The following SLC9A3 variants were observed in gnomAD, a reference collection of about 807,000 sequenced individuals.
SLC9A3 encodes sodium/hydrogen exchanger 3.
A neutral mutation model predicts 86.8 loss-of-function variants in SLC9A3; 37 were observed. The observed-to-expected ratio is 0.43, with a 90% confidence interval of 0.33 to 0.56. SLC9A3 has a LOEUF of 0.56. SLC9A3 is among the 20% of genes least tolerant of loss of function. The pLI is 0.06. For synonymous variants in SLC9A3, 581 were observed against 528.3 expected (o/e 1.10, Z -1.37); for missense variants, 1,011 against 1,171.9 (o/e 0.86, Z 2.00).
At chr5:479,776 C>T in intron 10 of SLC9A3, 60 bp downstream of exon 10, 6 of 1,592,908 alleles carry the variant, frequency 3.8e-6, no homozygotes, top group Non-Finnish European at 5.1e-6. Flanking sequence ...CCCATGGCAC[C>T]CACAGCCAGT....
Position 524,164 on chromosome 5 carries a change from C to T in SLC9A3, c.159G>A (p.Gln53=). The T allele has an allele frequency of 6.5e-7, 1 of 1,547,820 alleles. No homozygotes were observed. Residue 53 remains glutamine, a synonymous_variant, in exon 1 of 17, where the codon CAG becomes CAA. Transcript: ENST00000264938. ...QVVTFEWAHV[Q]DPYVIALWIL... is the part of the protein sequence containing the mutation. The stretch of plus-strand genomic sequence containing the variant: ...TCCAGAGCGCGATGACGTAGGGATC[C>T]TGCACGTGGGCCCACTCGAAGGTGA...
At chr5:482,045 C>G (rs1560954086) in intron 8 of SLC9A3, 23 bp downstream of exon 8, 1 of 670,302 alleles carries the variant, frequency 1.5e-6, no homozygotes. Context: ...TGCCCCCCCC[C>G]CGCCCCCCAG....
chr5:479,973 G>A lies in SLC9A3; in HGVS notation c.1518-8C>T. On this transcript the variant is annotated splice_region_variant and splice_polypyrimidine_tract_variant and intron_variant, in intron 9 of 16. Transcript: ENST00000264938. ...CTGTCGAAGTGGGACCACCTGTAGG[G>A]ACAGACCTTGGGTGTGAGCCTCAGG... is the stretch of plus-strand genomic sequence containing the variant. The A allele has an allele frequency of 1.2e-6, 2 of 1,612,632 alleles. No individual in the cohort carries two copies. Among genetic ancestry groups the A allele is most frequent in the Non-Finnish European group, 1.7e-6 (2 of 1,179,136 alleles).
At chr5:482,247 C>T (rs146451863) in intron 7 of SLC9A3, 90 bp from the exon 8 acceptor site, 14,730 of 1,030,166 alleles carry the variant, frequency 0.014, 164 homozygotes, top group Non-Finnish European at 0.016. Context: ...CCACCTGCCC[C>T]GGGGCCCACA....
Position 485,416 on chromosome 5 carries a change from C to A in SLC9A3, c.676-185G>T, listed in dbSNP as rs573411326. Reference sequence around the variant, plus strand: ...GCCCAGAGCCCAGCAGCCAGCAAGACATGGGGCAAAAGAATGTTCTGGAGG... The same window carrying A: ...GCCCAGAGCCCAGCAGCCAGCAAGAAATGGGGCAAAAGAATGTTCTGGAGG... On this transcript the variant is annotated intron_variant, in intron 3 of 16. Transcript: ENST00000264938. 5.9e-5 allele frequency among the ~76,000 whole-genome samples: 9 copies of A among 152,350 alleles called. No homozygotes were observed. In the East Asian group the frequency reaches 1.3e-3, roughly 23 times the overall value.
intron 1 of SLC9A3, among the ~76,000 whole-genome samples, chr5:501,867 C>T (rs1740293200): frequency 6.6e-6 from 1 of 152,118 alleles, no homozygotes; most frequent in Non-Finnish European, 1.5e-5. Flanking sequence ...GGTGCAGTTC[C>T]CCGTGAGTAC....
At chr5:492,128 G>C in intron 1 of SLC9A3, 57 bp from the exon 2 acceptor site, 1 of 840,998 alleles carries the variant, frequency 1.2e-6, no homozygotes, top group Non-Finnish European at 1.6e-6. Flanking sequence ...AGGGAGGTCA[G>C]GGCCGGGCTG....
chr5:497,563 A>G lies in SLC9A3; in HGVS notation c.212-5492T>C, dbSNP rs1279523904. ...TGGTTGTCAGAATAAATTGTTTCCA[A>G]CCAGGAAACAAGGATATCTCTTAAC... On this transcript the variant is annotated intron_variant, in intron 1 of 16. Transcript: ENST00000264938. This position sits in a 1 kb window ranked among gnomAD's most constrained non-coding sequence, Gnocchi z 5.4. Among the ~76,000 whole-genome samples, 3 of 152,102 alleles carry G rather than the reference A, an allele frequency of 2.0e-5. No homozygotes were observed. The highest frequency in any genetic ancestry group is 7.2e-5 in the African/African-American group (3 of 41,412).
chr5:491,536 C>T lies in SLC9A3; in HGVS notation c.514+233G>A, dbSNP rs963976302. ...CCCTGGCCACCTGCAGCCCCCAAGC[C>T]GAGCTGCCGAGATGGGAACTCCTCC... On this transcript the variant is annotated intron_variant, in intron 2 of 16. Coordinates refer to ENST00000264938, the MANE Select transcript of SLC9A3 (RefSeq NM_004174.4). This position sits in a 1 kb window ranked among gnomAD's most constrained non-coding sequence, Gnocchi z 9.2. Among the ~76,000 whole-genome samples the T allele has an allele frequency of 3.3e-5, 5 of 151,930 alleles. No homozygotes were observed. The highest frequency in any genetic ancestry group is 9.7e-5 in the African/African-American group (4 of 41,438).
rs548287545 is a variant in SLC9A3 at position 480,351 on chromosome 5, G to T, written c.1518-386C>A. 297 of 176,172 alleles carry T rather than the reference G, an allele frequency of 1.7e-3. 1 individual carries two copies. The highest frequency in any genetic ancestry group is 6.7e-3 in the African/African-American group (284 of 42,138). The allele number at this position is 176,172 out of a possible 1,614,324, so 10.9% of individuals were successfully genotyped here. On this transcript the variant is annotated intron_variant, in intron 9 of 16. Transcript: ENST00000264938. The stretch of plus-strand genomic sequence containing the variant: ...TGGGAGCCAAGCTGACCAGAGTGAG[G>T]TTTTTTTTAGCCTAACGGAATTAGA...
At chr5:490,758 G>A (rs1013494703) in intron 2 of SLC9A3, among the ~76,000 whole-genome samples, 1 of 152,232 alleles carries the variant, frequency 6.6e-6, no homozygotes, top group African/African-American at 2.4e-5. Context: ...CATCCGAGGT[G>A]TGTCCTGACC....
At chr5:504,500 G>A (rs943180210) in intron 1 of SLC9A3, among the ~76,000 whole-genome samples, 3 of 152,190 alleles carry the variant, frequency 2.0e-5, no homozygotes, top group Admixed American at 2.0e-4. Flanking sequence ...TGTGTCCGGC[G>A]GCGGCAGCCA....
At chr5:498,956 T>G (rs4957044) in intron 1 of SLC9A3, among the ~76,000 whole-genome samples, 19,764 of 152,190 alleles carry the variant, frequency 0.13, 1,655 homozygotes, top group East Asian at 0.36. Flanking sequence ...GGGCTTCTGC[T>G]TCTTCCTCCT....
chr5:474,995 T>G lies in SLC9A3; in HGVS notation c.2389A>C (p.Thr797Pro). The G allele has an allele frequency of 6.2e-7, 1 of 1,611,790 alleles. No homozygotes were observed. Among genetic ancestry groups the G allele is most frequent in the Non-Finnish European group, 8.5e-7 (1 of 1,179,606 alleles). Residue 797 changes from threonine to proline, a missense_variant, in exon 16 of 17, where the codon ACC becomes CCC. Around this residue, in one of 3 missense-constraint regions of SLC9A3, gnomAD observed 397 missense variants for 346.3 expected, o/e 1.15. Coordinates refer to ENST00000264938, the MANE Select transcript of SLC9A3 (RefSeq NM_004174.4). ...ARTQIPYSPG[T>P]FCRLMPFRLS... ...CGGAAGGGCATCAGGCGGCAGAAGGTGCCGGGAGAGTAGGGAATCTGCGTG... is the reference window on the plus strand; with the variant it reads ...CGGAAGGGCATCAGGCGGCAGAAGGGGCCGGGAGAGTAGGGAATCTGCGTG...
At position 491,703 on chromosome 5, in the gene SLC9A3, G is replaced by A; in HGVS notation, c.514+66C>T. On this transcript the variant is annotated intron_variant, in intron 2 of 16. Coordinates refer to ENST00000264938, the MANE Select transcript of SLC9A3 (RefSeq NM_004174.4). The surrounding 1 kb of genome is among the most constrained non-coding windows in gnomAD (Gnocchi z 9.2). ...TGCGGCACCCCGACCTTTCTGAGATGAGGCAGCGCCGCCCCTCCCGGACCC... is the reference window on the plus strand; with the variant it reads ...TGCGGCACCCCGACCTTTCTGAGATAAGGCAGCGCCGCCCCTCCCGGACCC... 1.0e-5 allele frequency: 14 copies of A among 1,389,808 alleles called. No homozygotes were observed. The highest frequency in any genetic ancestry group is 1.3e-5 in the Non-Finnish European group (14 of 1,038,876). 86.1% of individuals were successfully genotyped at this position (1,389,808 alleles called of 1,614,324 possible).
Position 474,975 on chromosome 5 carries a change from G to A in SLC9A3, c.2409C>T (p.Pro803=). 5 of 1,611,322 alleles carry A rather than the reference G, an allele frequency of 3.1e-6. No individual in the cohort carries two copies. Among genetic ancestry groups the A allele is most frequent in the Non-Finnish European group, 4.2e-6 (5 of 1,179,212 alleles). ...YSPGTFCRLM[P]FRLSSKSVDS... Reference sequence around the variant, plus strand: ...CCACGGACTTGCTGCTGAGGCGGAAGGGCATCAGGCGGCAGAAGGTGCCGG... The same window carrying A: ...CCACGGACTTGCTGCTGAGGCGGAAAGGCATCAGGCGGCAGAAGGTGCCGG... Residue 803 remains proline, a synonymous_variant, in exon 16 of 17, where the codon CCC becomes CCT. Coordinates refer to ENST00000264938, the MANE Select transcript of SLC9A3 (RefSeq NM_004174.4).
rs187077782 is a variant in SLC9A3, at chr5:491,875, G to A, written c.408C>T (p.Phe136=). Reference sequence around the variant, plus strand: ...ACAGGATGGTCCCCAGGTTGCCGAAGAAGAGGCGGTTGGGCATGAAGTAGC... The same window carrying A: ...ACAGGATGGTCCCCAGGTTGCCGAAAAAGAGGCGGTTGGGCATGAAGTAGC... ...DAGYFMPNRL[F]FGNLGTILLY... is the part of the protein sequence containing the mutation. Residue 136 remains phenylalanine, a synonymous_variant, in exon 2 of 17, where the codon TTC becomes TTT. Coordinates refer to ENST00000264938, the MANE Select transcript of SLC9A3 (RefSeq NM_004174.4). This position sits in a 1 kb window ranked among gnomAD's most constrained non-coding sequence, Gnocchi z 9.2. 1.2e-4 allele frequency: 192 copies of A among 1,611,064 alleles called. No homozygotes were observed. The African/African-American group carries it at 2.2e-3, about 19-fold the overall frequency.
intron 8 of SLC9A3, 109 bp from the exon 9 acceptor site, chr5:481,744 C>CA (rs1739181778): frequency 9.5e-6 from 9 of 948,308 alleles, no homozygotes; most frequent in South Asian, 1.3e-5. Flanking sequence ...CCCCTCACCA[C>CA]GCCCCTGGCC....
At chr5:486,514 C>T (rs1739478884) in intron 3 of SLC9A3, among the ~76,000 whole-genome samples, 2 of 152,180 alleles carry the variant, frequency 1.3e-5, no homozygotes, top group Non-Finnish European at 2.9e-5. Flanking sequence ...GTGGAGGCAC[C>T]GTCCCCGCCT....
Sources: allele counts gnomAD v4.1 joint callset (sites outside exome capture counted in the v4.1 genomes callset), GRCh38; gene constraint gnomAD v4.1.1; regional missense constraint gnomAD v4.1.1; non-coding constraint Gnocchi (gnomAD v3.1); transcripts MANE v1.5; gene names NCBI Gene and HGNC (gene_info 2026-07-23, HGNC 2026-07-21).